RABEP1: variants seen among roughly 807,000 people sequenced by gnomAD.
RABEP1 encodes the protein rabaptin, RAB GTPase binding effector protein 1.
In RABEP1, 51 loss-of-function variants were observed where a neutral mutation model predicts 123.4. The ratio of observed to expected loss-of-function variants is 0.41; its 90% CI spans 0.33 to 0.52. The LOEUF (loss-of-function observed/expected upper bound fraction) is 0.52. Ranked by LOEUF, RABEP1 falls within the 20% of genes least tolerant of loss-of-function variation. The probability of loss-of-function intolerance (pLI) is 0.16; values close to 1 mark genes in which losing one functional copy is unlikely to be tolerated. For synonymous variants in RABEP1, 347 were observed against 355.2 expected, an observed-to-expected ratio of 0.98 and a Z score of 0.26; for missense variants, 888 against 996.3, an observed-to-expected ratio of 0.89 and a Z score of 1.46.
intron 2 of RABEP1, among the ~76,000 whole-genome samples, chr17:5,328,645 TAAAAAA>T (rs60062792): frequency 3.7e-5 from 2 of 54,104 alleles, no homozygotes; most frequent in Non-Finnish European, 6.3e-5. Context: ...GACGCTGTGT[TAAAAAA>T]AAAAAAAAAA....
chr17:5,338,603 C>G (rs917893222), intron 5 of RABEP1, among the ~76,000 whole-genome samples: 46 of 152,056 alleles, frequency 3.0e-4, no homozygotes, highest in African/African-American at 1.1e-3. Context: ...CAAAAAACTG[C>G]TTTGAGATGG....
intron 5 of RABEP1, among the ~76,000 whole-genome samples, chr17:5,344,271 C>G (rs1263898076): frequency 6.6e-6 from 1 of 151,984 alleles, no homozygotes; most frequent in Non-Finnish European, 1.5e-5. Flanking sequence ...AACCCTGTCT[C>G]TACTAAAAAT....
intron 2 of RABEP1, 68 bp from the exon 3 acceptor site, chr17:5,331,881 T>C (rs1340065562): frequency 7.1e-7 from 1 of 1,407,442 alleles, no homozygotes; most frequent in African/African-American, 1.4e-5. Context: ...TAATACCTTA[T>C]TTCTTTATTG....
At chr17:5,338,259 T>G in intron 5 of RABEP1, 121 bp downstream of exon 5, 1 of 1,285,722 alleles carries the variant, frequency 7.8e-7, no homozygotes, top group Non-Finnish European at 1.0e-6. Flanking sequence ...CTTAAGAATC[T>G]TTCTTTAAAA....
chr17:5,306,220 A>T (rs930983513), intron 1 of RABEP1, among the ~76,000 whole-genome samples: 1 of 152,122 alleles, frequency 6.6e-6, no homozygotes, highest in Admixed American at 6.5e-5. Context: ...TCTAACAGAA[A>T]GCCTATTGTT....
At chr17:5,313,468 A>C (rs1174490762) in intron 2 of RABEP1, among the ~76,000 whole-genome samples, 2 of 152,180 alleles carry the variant, frequency 1.3e-5, no homozygotes, top group Non-Finnish European at 2.9e-5. Context: ...TAAAACTGTT[A>C]GGGTTCCTTT....
At chr17:5,306,117 T>G (rs1176156880) in intron 1 of RABEP1, among the ~76,000 whole-genome samples, 1 of 152,174 alleles carries the variant, frequency 6.6e-6, no homozygotes, top group Non-Finnish European at 1.5e-5. Flanking sequence ...TAAAATGCAT[T>G]TAATATACCT....
intron 8 of RABEP1, among the ~76,000 whole-genome samples, chr17:5,355,182 A>G (rs926280197): frequency 2.0e-5 from 3 of 152,162 alleles, no homozygotes; most frequent in African/African-American, 7.2e-5. Context: ...CCCATTACCT[A>G]TATAATTAAG....
intron 14 of RABEP1, among the ~76,000 whole-genome samples, chr17:5,377,746 C>T (rs75468520): frequency 3.3e-5 from 5 of 151,970 alleles, no homozygotes; most frequent in African/African-American, 1.2e-4. Flanking sequence ...AAGCTGGTCT[C>T]GAACTCCTGA....
chr17:5,283,158 T>C (rs2144415069), intron 1 of RABEP1, among the ~76,000 whole-genome samples: 1 of 152,268 alleles, frequency 6.6e-6, no homozygotes, highest in East Asian at 1.9e-4. Flanking sequence ...AAGAGGTTAA[T>C]TCATGCCTTT....
chr17:5,302,099 G>A (rs1279011214), intron 1 of RABEP1, among the ~76,000 whole-genome samples: 1 of 152,128 alleles, frequency 6.6e-6, no homozygotes, highest in African/African-American at 2.4e-5. Flanking sequence ...CTTGGATAAT[G>A]AAGCATTTAG....
intron 13 of RABEP1, among the ~76,000 whole-genome samples, chr17:5,375,296 G>A (rs1453575914): frequency 2.0e-5 from 3 of 151,912 alleles, no homozygotes; most frequent in African/African-American, 7.3e-5. Context: ...GCTCTTTGCT[G>A]TCTCCCACCT....
intron 2 of RABEP1, among the ~76,000 whole-genome samples, chr17:5,328,009 A>T (rs1380110871): frequency 6.6e-6 from 1 of 152,244 alleles, no homozygotes; most frequent in Non-Finnish European, 1.5e-5. Flanking sequence ...AATATATGAT[A>T]TATTGAGACT....
At position 5,350,432 on chromosome 17, in the gene RABEP1, T is replaced by G. The variant is rs1555523432; in HGVS notation, c.785-19T>G. The stretch of plus-strand genomic sequence containing the variant: ...AAAATTCAGTGTTTTTGATTTGTGG[T>G]GGGGGGGTTCCTAAACAGTTTGCCA... On this transcript the variant is annotated intron_variant, in intron 6 of 17. Transcript: ENST00000537505. 3.1e-6 allele frequency: 5 copies of G among 1,587,412 alleles called. No homozygotes were observed. The African/African-American group carries it at 6.9e-5, about 22-fold the overall frequency.
At chr17:5,365,292 T>C in intron 11 of RABEP1, 54 bp downstream of exon 11, 1 of 1,200,768 alleles carries the variant, frequency 8.3e-7, no homozygotes, top group Non-Finnish European at 1.1e-6. Flanking sequence ...GTTATTTAAA[T>C]GAAAGATTCA....
chr17:5,295,752 T>C (rs188371347), intron 1 of RABEP1, among the ~76,000 whole-genome samples: 11 of 152,336 alleles, frequency 7.2e-5, no homozygotes, highest in Admixed American at 7.2e-4. Flanking sequence ...CGTTCACAAG[T>C]AGAGCATTCT....
chr17:5,316,267 A>T (rs2075293831), intron 2 of RABEP1, among the ~76,000 whole-genome samples: 1 of 151,388 alleles, frequency 6.6e-6, no homozygotes, highest in Non-Finnish European at 1.5e-5. Flanking sequence ...CCTGGGAAAC[A>T]TGGTGAAACC....
At chr17:5,348,149 G>A (rs979105694) in intron 6 of RABEP1, among the ~76,000 whole-genome samples, 3 of 152,022 alleles carry the variant, frequency 2.0e-5, no homozygotes, top group African/African-American at 7.2e-5. Flanking sequence ...GGCTAATTTT[G>A]TATTTTTAGT....
At chr17:5,294,231 A>G (rs914986312) in intron 1 of RABEP1, among the ~76,000 whole-genome samples, 1 of 152,080 alleles carries the variant, frequency 6.6e-6, no homozygotes, top group Non-Finnish European at 1.5e-5. Context: ...TAAAAATACA[A>G]AAGTCAGCTG....
Sources: allele counts gnomAD v4.1 joint callset (sites outside exome capture counted in the v4.1 genomes callset), GRCh38; gene constraint gnomAD v4.1.1; transcripts MANE v1.5; gene names NCBI Gene and HGNC (gene_info 2026-07-23, HGNC 2026-07-21).